The following TENM3 variants were observed in gnomAD, a reference collection of about 807,000 sequenced individuals.
TENM3 encodes the protein teneurin-3.
Under a neutral mutation model 255.1 loss-of-function variants are expected in TENM3, and 63 were observed. The ratio of observed to expected loss-of-function variants is 0.25; its 90% CI spans 0.20 to 0.30. The LOEUF is 0.30. TENM3 is among the 10% of genes least tolerant of loss of function. TENM3 has a pLI of 1.00. For synonymous variants in TENM3, 1,306 were observed against 1,322.3 expected, an observed-to-expected ratio of 0.99 and a Z score of 0.27; for missense variants, 2,929 against 3,461.1, an observed-to-expected ratio of 0.85 and a Z score of 3.86.
At chr4:182,618,423 G>A (rs1169512294) in intron 4 of TENM3, among the ~76,000 whole-genome samples, 1 of 151,878 alleles carries the variant, frequency 6.6e-6, no homozygotes, top group South Asian at 2.1e-4. Context: ...AATTTTGTTA[G>A]CATCTTCTAA....
intron 1 of TENM3, among the ~76,000 whole-genome samples, chr4:182,268,753 T>C (rs1759417064): frequency 6.6e-6 from 1 of 152,168 alleles, no homozygotes; most frequent in South Asian, 2.1e-4. Flanking sequence ...ACAAATGCCA[T>C]GACAACATCA....
At chr4:182,063,840 G>A in the TENM3 span, among the ~76,000 whole-genome samples, 2 of 152,136 alleles carry the variant, frequency 1.3e-5, no homozygotes, top group African/African-American at 4.8e-5. Context: ...TCTCCTATGT[G>A]AATTCAAATG....
At chr4:181,825,455 C>G in the TENM3 span, among the ~76,000 whole-genome samples, 6 of 139,906 alleles carry the variant, frequency 4.3e-5, no homozygotes, top group African/African-American at 1.3e-4. Context: ...AATATTTTTT[C>G]TCTAAAACTA....
At chr4:182,306,227 TC>T (rs1311563812) in intron 1 of TENM3, among the ~76,000 whole-genome samples, 3 of 151,970 alleles carry the variant, frequency 2.0e-5, no homozygotes, top group Non-Finnish European at 4.4e-5. Context: ...ACAGTCTTCC[TC>T]TGTCACCCAG....
chr4:182,430,824 C>A (rs1771572945), intron 3 of TENM3, among the ~76,000 whole-genome samples: 1 of 151,588 alleles, frequency 6.6e-6, no homozygotes, highest in African/African-American at 2.4e-5. Flanking sequence ...CCAGTTTGGG[C>A]AACATGGTGA....
At chr4:182,703,064 A>G (rs1758015248) in intron 12 of TENM3, among the ~76,000 whole-genome samples, 1 of 152,148 alleles carries the variant, frequency 6.6e-6, no homozygotes, top group Non-Finnish European at 1.5e-5. Context: ...CCCTAGATAG[A>G]CTGTCCTGCC....
At chr4:182,135,283 G>A in the TENM3 span, among the ~76,000 whole-genome samples, 1 of 151,208 alleles carries the variant, frequency 6.6e-6, no homozygotes, top group East Asian at 1.9e-4. Flanking sequence ...TACCTAGAAG[G>A]TTGTTAGAAA....
At chr4:182,335,671 A>G (rs1764089821) in intron 2 of TENM3, among the ~76,000 whole-genome samples, 1 of 152,068 alleles carries the variant, frequency 6.6e-6, no homozygotes, top group South Asian at 2.1e-4. Flanking sequence ...GAAAACCCAG[A>G]AGAAAAGATA....
chr4:182,147,686 C>G (rs1362008158), intron 1 of TENM3, among the ~76,000 whole-genome samples: 1 of 151,976 alleles, frequency 6.6e-6, no homozygotes, highest in African/African-American at 2.4e-5. Flanking sequence ...CTTTTTTTTA[C>G]TTAGGTTGAG....
chr4:181,803,329 T>A, the TENM3 span, among the ~76,000 whole-genome samples: 1 of 152,184 alleles, frequency 6.6e-6, no homozygotes, highest in Non-Finnish European at 1.5e-5. Context: ...CTCACATACA[T>A]TTATATGTCT....
Position 182,628,770 on chromosome 4 carries a change from C to T in TENM3, c.869C>T (p.Thr290Ile), listed in dbSNP as rs1159219690. Reference protein sequence around the residue: ...SPPTRPLPRNTLSRSAFKFKK... With the variant: ...SPPTRPLPRNILSRSAFKFKK... Reference sequence around the variant, plus strand: ...CCTACTCGGCCACTACCTAGAAACACCCTATCAAGAAGTGCTTTTAAATTC... The same window carrying T: ...CCTACTCGGCCACTACCTAGAAACATCCTATCAAGAAGTGCTTTTAAATTC... Residue 290 changes from threonine to isoleucine, a missense_variant, in exon 5 of 28, where the codon ACC (threonine) becomes ATC (isoleucine). Thr to Ile is a moderately conservative substitution (Grantham distance 89, BLOSUM62 -1). This residue lies in a region of TENM3 where 1,608 missense variants were observed against 1,884.4 expected (regional missense o/e 0.85). Coordinates refer to ENST00000511685, the MANE Select transcript of TENM3 (RefSeq NM_001080477.4). 1 of 1,610,260 alleles carries T rather than the reference C, an allele frequency of 6.2e-7. No homozygotes were observed. Among genetic ancestry groups the T allele is most frequent in the South Asian group, 1.1e-5 (1 of 90,034 alleles).
the TENM3 span, among the ~76,000 whole-genome samples, chr4:181,595,443 A>ACAAAAAAAAAAC: frequency 3.6e-3 from 467 of 130,836 alleles, 6 homozygotes; most frequent in African/African-American, 0.015. Flanking sequence ...AAAAAAAAAA[A>ACAAAAAAAAAAC]AAAAAAAAAA....
At chr4:181,553,815 A>T in the TENM3 span, among the ~76,000 whole-genome samples, 1 of 151,948 alleles carries the variant, frequency 6.6e-6, no homozygotes, top group Non-Finnish European at 1.5e-5. Context: ...AAGCAACTAG[A>T]TGAAGCTGGG....
intron 3 of TENM3, among the ~76,000 whole-genome samples, chr4:182,552,102 G>A (rs1742099723): frequency 6.6e-6 from 1 of 151,766 alleles, no homozygotes. Context: ...GGGCCTGGCA[G>A]CAACTTTTCT....
chr4:182,495,477 G>C (rs1735685344), intron 3 of TENM3, among the ~76,000 whole-genome samples: 1 of 150,712 alleles, frequency 6.6e-6, no homozygotes, highest in Admixed American at 6.6e-5. Context: ...AAATAAGAGG[G>C]ACTGTTTCTT....
chr4:181,799,529 C>G, the TENM3 span, among the ~76,000 whole-genome samples: 3 of 152,218 alleles, frequency 2.0e-5, no homozygotes, highest in Non-Finnish European at 4.4e-5. Context: ...TTAATCAAAG[C>G]ATGATCATTT....
chr4:182,794,067 A>G (rs1766311723), intron 26 of TENM3, among the ~76,000 whole-genome samples, 182 bp downstream of exon 26: 1 of 152,226 alleles, frequency 6.6e-6, no homozygotes, highest in South Asian at 2.1e-4. Flanking sequence ...GGAAAATGAG[A>G]CATATTTACT....
chr4:181,520,036 G>A, the TENM3 span, among the ~76,000 whole-genome samples: 9 of 152,292 alleles, frequency 5.9e-5, no homozygotes, highest in South Asian at 6.2e-4. Context: ...CTGTGAGGCC[G>A]CCTGGCCACT....
At chr4:181,669,052 C>A in the TENM3 span, among the ~76,000 whole-genome samples, 1 of 152,118 alleles carries the variant, frequency 6.6e-6, no homozygotes, top group Non-Finnish European at 1.5e-5. Context: ...AGTAGTAACT[C>A]AGGCTTCCCC....
Sources: gnomAD v4.1 joint callset for allele counts (sites outside exome capture counted in the v4.1 genomes callset) on GRCh38, gnomAD v4.1.1 for gene constraint, gnomAD v4.1.1 regional missense constraint, MANE v1.5 for transcripts, NCBI Gene and HGNC (gene_info 2026-07-23, HGNC 2026-07-21) for gene names.